The following ITGA9 variants were observed in gnomAD, a reference collection of about 807,000 sequenced individuals.
The protein encoded by ITGA9 is integrin subunit alpha 9, also known as integrin alpha-9.
ITGA9 carries 56 observed loss-of-function variants against 127.8 expected under a neutral mutation model. The observed-to-expected ratio is 0.44, with a 90% CI of 0.35 to 0.55. The LOEUF (loss-of-function observed/expected upper bound fraction) is 0.55, where lower values mean the gene tolerates loss of function less well. Among genes scored for constraint, ITGA9 ranks in the 20% least tolerant of loss-of-function variants. The pLI is 0.00. For missense variants in ITGA9, 1,196 were observed against 1,347.1 expected (o/e 0.89, Z 1.76); for synonymous variants, 508 against 514.5 (o/e 0.99, Z 0.17).
At chr3:37,688,099 C>T (rs1700798453) in intron 18 of ITGA9, among the ~76,000 whole-genome samples, 1 of 152,192 alleles carries the variant, frequency 6.6e-6, no homozygotes, top group Non-Finnish European at 1.5e-5. Context: ...CTCTCTGGCA[C>T]TTCCAGCCTT....
chr3:37,486,741 T>C lies in ITGA9; in HGVS notation c.544+5134T>C, dbSNP rs116398978. On this transcript the variant is annotated intron_variant, in intron 4 of 27. Transcript: ENST00000264741. ...TTGGTTGGTAAGTGTTCCTTCCCTC[T>C]TTTTGTAGATGACCTAAAACTTTAA... 8.6e-3 allele frequency among the ~76,000 whole-genome samples: 1,310 copies of C among 152,362 alleles called. 8 individuals carry two copies. The highest frequency in any genetic ancestry group is 0.014 in the Non-Finnish European group (956 of 68,028).
chr3:37,673,075 G>A (rs909755612), intron 17 of ITGA9, among the ~76,000 whole-genome samples: 1 of 152,090 alleles, frequency 6.6e-6, no homozygotes, highest in Non-Finnish European at 1.5e-5. Context: ...ACTGAAATCT[G>A]CAGGAATCGA....
chr3:37,819,257 C>T lies in ITGA9; in HGVS notation c.*268C>T, dbSNP rs773617472. ...CCGAGCAATATTTATGGATGCAACA[C>T]GCATGGTCAACCCTCAGGGGAAAAC... On this transcript the variant is annotated 3_prime_UTR_variant, in exon 28 of 28. Transcript: ENST00000264741. The T allele has an allele frequency of 3.7e-5, 20 of 536,416 alleles. No individual in the cohort carries two copies. Among genetic ancestry groups the T allele is most frequent in the Non-Finnish European group, 5.7e-5 (17 of 299,084 alleles). The allele number at this position is 536,416 out of a possible 1,614,324, so 33.2% of individuals were successfully genotyped here.
At chr3:37,482,105 C>A (rs1171475420) in intron 4 of ITGA9, among the ~76,000 whole-genome samples, 1 of 152,216 alleles carries the variant, frequency 6.6e-6, no homozygotes, top group Non-Finnish European at 1.5e-5. Context: ...GACAGATGTC[C>A]TGAGGCTGGG....
intron 26 of ITGA9, among the ~76,000 whole-genome samples, chr3:37,801,733 G>A (rs1015741334): frequency 5.9e-5 from 9 of 152,164 alleles, no homozygotes; most frequent in African/African-American, 1.9e-4. Context: ...TGTCAAGGGC[G>A]GACTCTGTGC....
chr3:37,468,032 G>T lies in ITGA9; in HGVS notation c.186-2975G>T, dbSNP rs530452522. ...GTGCATTTGAGTTACAGCAGACAAGGGCCAGCCAAACTGCTCTTGTGTGGG... is the reference window on the plus strand; with the variant it reads ...GTGCATTTGAGTTACAGCAGACAAGTGCCAGCCAAACTGCTCTTGTGTGGG... On this transcript the variant is annotated intron_variant, in intron 1 of 27. Transcript: ENST00000264741. Among the ~76,000 whole-genome samples the T allele has an allele frequency of 5.3e-5, 8 of 152,244 alleles. No individual in the cohort carries two copies. The South Asian group carries it at 1.7e-3, about 32-fold the overall frequency.
rs1208216776 is a variant in ITGA9, at chr3:37,589,934, C to T, written c.1690-39253C>T. Among the ~76,000 whole-genome samples, 6 of 152,314 alleles carry T rather than the reference C, an allele frequency of 3.9e-5. No individual in the cohort carries two copies. The South Asian group carries it at 1.0e-3, about 26-fold the overall frequency. On this transcript the variant is annotated intron_variant, in intron 15 of 27. Coordinates refer to ENST00000264741, the MANE Select transcript of ITGA9 (RefSeq NM_002207.3). The stretch of plus-strand genomic sequence containing the variant: ...CACGCCTTGGGCCCGCAGGCTGCCT[C>T]TGCACTGTTAGTCCTCCCTGACTTC...
intron 23 of ITGA9, among the ~76,000 whole-genome samples, chr3:37,762,245 A>T (rs764761213): frequency 1.2e-4 from 18 of 152,222 alleles, no homozygotes; most frequent in African/African-American, 4.3e-4. Flanking sequence ...TGAAAAATCA[A>T]CTCAGAAAAG....
intron 20 of ITGA9, among the ~76,000 whole-genome samples, chr3:37,741,352 G>C (rs982981855): frequency 1.4e-5 from 2 of 144,160 alleles, no homozygotes; most frequent in African/African-American, 5.2e-5. Flanking sequence ...CATGCCCTCA[G>C]CTAGGAAGAC....
intron 22 of ITGA9, 130 bp downstream of exon 22, chr3:37,744,164 G>A (rs1696472767): frequency 2.7e-6 from 2 of 733,578 alleles, no homozygotes; most frequent in Admixed American, 1.9e-5. Flanking sequence ...GTGTGTGTGT[G>A]AGATCTGTAA....
chr3:37,646,151 T>C (rs1450289129), intron 16 of ITGA9, among the ~76,000 whole-genome samples: 1 of 152,192 alleles, frequency 6.6e-6, no homozygotes, highest in Non-Finnish European at 1.5e-5. Context: ...AAACAGCCCA[T>C]AGGCCAAATC....
intron 15 of ITGA9, among the ~76,000 whole-genome samples, chr3:37,560,638 A>C (rs1408982350): frequency 6.6e-6 from 1 of 152,042 alleles, no homozygotes; most frequent in Non-Finnish European, 1.5e-5. Context: ...TTTAATGATC[A>C]CCATTCTAAC....
Position 37,503,276 on chromosome 3 carries a change from A to C in ITGA9, c.711A>C (p.Glu237Asp). ...TDNTYLKLND[E>D]VIMNRRYTYL... The stretch of plus-strand genomic sequence containing the variant: ...ACACCTATTTAAAACTGAACGACGA[A>C]GTGATCATGAACAGGCGGTACACCT... The change falls in exon 6 of 28, where the codon GAA becomes GAC. Residue 237 changes from glutamate (E) to aspartate (D), a missense_variant. Physicochemically the swap from Glu to Asp is conservative, Grantham distance 45 (BLOSUM62 2). Transcript: ENST00000264741. 6.2e-7 allele frequency: 1 copy of C among 1,614,166 alleles called. No homozygotes were observed. The highest frequency in any genetic ancestry group is 8.5e-7 in the Non-Finnish European group (1 of 1,180,002).
chr3:37,525,701 A>T (rs758205685), intron 12 of ITGA9, among the ~76,000 whole-genome samples: 1 of 152,234 alleles, frequency 6.6e-6, no homozygotes, highest in African/African-American at 2.4e-5. Flanking sequence ...TCATTTCAAC[A>T]TATAATCAAT....
At position 37,520,161 on chromosome 3, in the gene ITGA9, A is replaced by T. The variant is rs143823408; in HGVS notation, c.1236+807A>T. The stretch of plus-strand genomic sequence containing the variant: ...TGCAAGTACAACTTCTACATGAATA[A>T]TTGTCCTTGGCAGATAGAGATAAAC... On this transcript the variant is annotated intron_variant, in intron 11 of 27. Coordinates refer to ENST00000264741, the MANE Select transcript of ITGA9 (RefSeq NM_002207.3). Among the ~76,000 whole-genome samples, 30 of 152,320 alleles carry T rather than the reference A, an allele frequency of 2.0e-4. No homozygotes were observed. The East Asian group carries it at 4.2e-3, about 22-fold the overall frequency.
Position 37,629,607 on chromosome 3 carries a change from C to T in ITGA9, c.1839+271C>T. 4.9e-6 allele frequency: 3 copies of T among 607,408 alleles called. No individual in the cohort carries two copies. The highest frequency in any genetic ancestry group is 8.8e-6 in the Non-Finnish European group (3 of 342,580). The allele number at this position is 607,408 out of a possible 1,614,324, so 37.6% of individuals were successfully genotyped here. A position where few individuals can be genotyped will look rare whatever the true frequency, so the allele number is the denominator to read the frequency against. ...CCCCTCGAGTTCGTGAACTGGCTGG[C>T]CACTTGGTCCCTGAACTTGCCTCTG... On this transcript the variant is annotated intron_variant, in intron 16 of 27. Transcript: ENST00000264741. The surrounding 1 kb of genome is among the most constrained non-coding windows in gnomAD (Gnocchi z 4.5).
intron 17 of ITGA9, among the ~76,000 whole-genome samples, chr3:37,674,517 A>C (rs1306077918): frequency 6.6e-6 from 1 of 152,216 alleles, no homozygotes; most frequent in Non-Finnish European, 1.5e-5. Context: ...GTCTACCCAA[A>C]GTGAATTGCA....
chr3:37,803,870 G>C lies in ITGA9; in HGVS notation c.2937G>C (p.Val979=). 6.2e-7 allele frequency: 1 copy of C among 1,614,170 alleles called. No individual in the cohort carries two copies. Among genetic ancestry groups the C allele is most frequent in the Non-Finnish European group, 8.5e-7 (1 of 1,180,018 alleles). ...LHNLEPRGYV[V]GWIIAISLLV... is the part of the protein sequence containing the mutation. Reference sequence around the variant, plus strand: ...ATCTGGAGCCCCGTGGCTACGTCGTGGGGTGGATCATCGCCATCAGTTTGT... The same window carrying C: ...ATCTGGAGCCCCGTGGCTACGTCGTCGGGTGGATCATCGCCATCAGTTTGT... The change falls in exon 27 of 28, where the codon GTG becomes GTC. Residue 979 remains valine (V), a synonymous_variant. Transcript: ENST00000264741.
At chr3:37,693,201 G>A (rs982819674) in intron 18 of ITGA9, among the ~76,000 whole-genome samples, 2 of 152,182 alleles carry the variant, frequency 1.3e-5, no homozygotes, top group African/African-American at 4.8e-5. Flanking sequence ...CATTGTCTCT[G>A]ATCTCCTTGA....
Sources: allele counts gnomAD v4.1 joint callset (sites outside exome capture counted in the v4.1 genomes callset), GRCh38; gene constraint gnomAD v4.1.1; non-coding constraint Gnocchi (gnomAD v3.1); transcripts MANE v1.5; gene names NCBI Gene and HGNC (gene_info 2026-07-23, HGNC 2026-07-21).